BRAF: variants seen among roughly 807,000 people sequenced by gnomAD.
BRAF encodes the protein B-Raf proto-oncogene, serine/threonine kinase.
A neutral mutation model predicts 104.6 loss-of-function variants in BRAF; 16 were observed. The ratio of observed to expected loss-of-function variants is 0.15; its 90% CI spans 0.10 to 0.23. The LOEUF (loss-of-function observed/expected upper bound fraction) is 0.23, where lower values mean the gene tolerates loss of function less well. BRAF is among the 10% of genes least tolerant of loss of function. The pLI is 1.00. For missense variants in BRAF, 541 were observed against 937.3 expected (o/e 0.58, Z 5.52); for synonymous variants, 310 against 341.6 (o/e 0.91, Z 1.02).
intron 1 of BRAF, among the ~76,000 whole-genome samples, chr7:140,892,593 T>C (rs1015508858): frequency 6.6e-6 from 1 of 152,136 alleles, no homozygotes; most frequent in African/African-American, 2.4e-5. Flanking sequence ...ATCCACAATA[T>C]AAACTTTAGG....
intron 17 of BRAF, chr7:140,740,563 C>A (rs1325278452): frequency 6.6e-6 from 1 of 152,146 alleles, no homozygotes; most frequent in Non-Finnish European, 1.5e-5. Flanking sequence ...TTCTTAATTT[C>A]CTAATATTTT....
rs1165834585 is a variant in BRAF at position 140,781,762 on chromosome 7, G to A, written c.1435-69C>T. On this transcript the variant is annotated intron_variant, in intron 11 of 19. Coordinates refer to ENST00000644969, the MANE Select transcript of BRAF (RefSeq NM_001374258.1). ...AAGAAAACCTTATGTTTCACCCTAA[G>A]TACATTACCTTATGCCTGAGAGGGA... The A allele has an allele frequency of 4.0e-6, 5 of 1,247,864 alleles. No homozygotes were observed. The African/African-American group carries it at 5.9e-5, about 15-fold the overall frequency. 77.3% of individuals were successfully genotyped at this position (1,247,864 alleles called of 1,614,324 possible). A position where few individuals can be genotyped will look rare whatever the true frequency, so the allele number is the denominator to read the frequency against.
chr7:140,919,905 C>T (rs999162747), intron 1 of BRAF, among the ~76,000 whole-genome samples: 12 of 151,522 alleles, frequency 7.9e-5, no homozygotes, highest in East Asian at 7.7e-4. Flanking sequence ...TGCAGTGGTG[C>T]GATCATGGCT....
chr7:140,776,509 T>C (rs1023648424), intron 14 of BRAF, among the ~76,000 whole-genome samples: 1 of 152,206 alleles, frequency 6.6e-6, no homozygotes, highest in Non-Finnish European at 1.5e-5. Context: ...TTAACTTTAT[T>C]AACTGACCAT....
chr7:140,909,430 TA>T (rs1816719656), intron 1 of BRAF, among the ~76,000 whole-genome samples: 1 of 151,896 alleles, frequency 6.6e-6, no homozygotes. Context: ...AAAATAAAAA[TA>T]AAAAATAAAT....
chr7:140,843,730 G>C (rs959774135), intron 2 of BRAF, among the ~76,000 whole-genome samples: 1 of 152,080 alleles, frequency 6.6e-6, no homozygotes, highest in Non-Finnish European at 1.5e-5. Flanking sequence ...TCTGGGCTGG[G>C]CACAGTGGCT....
chr7:140,901,637 A>AT (rs1356207973), intron 1 of BRAF, among the ~76,000 whole-genome samples: 2 of 152,212 alleles, frequency 1.3e-5, no homozygotes, highest in African/African-American at 4.8e-5. Context: ...CACTCAGTAC[A>AT]GGGTATGTAC....
chr7:140,814,688 C>A (rs1259454340), intron 3 of BRAF, among the ~76,000 whole-genome samples: 3 of 146,110 alleles, frequency 2.1e-5, no homozygotes, highest in Admixed American at 6.9e-5. Flanking sequence ...ATATAAAATT[C>A]ATATAATTTA....
intron 2 of BRAF, among the ~76,000 whole-genome samples, chr7:140,847,595 A>G (rs551075652): frequency 3.4e-4 from 52 of 152,240 alleles, no homozygotes; most frequent in African/African-American, 1.3e-3. Context: ...GGAAAAAAAA[A>G]AAGACAGACA....
chr7:140,812,269 T>C (rs1420511860), intron 3 of BRAF, among the ~76,000 whole-genome samples: 2 of 151,884 alleles, frequency 1.3e-5, no homozygotes, highest in South Asian at 4.2e-4. Flanking sequence ...TGAAACAAAA[T>C]TTCATAGGGT....
intron 1 of BRAF, among the ~76,000 whole-genome samples, chr7:140,915,895 A>G (rs1391754440): frequency 1.3e-5 from 2 of 148,444 alleles, no homozygotes. Flanking sequence ...GCGGTGGCTC[A>G]TGCCTGTAAT....
intron 1 of BRAF, among the ~76,000 whole-genome samples, chr7:140,891,461 T>C (rs1184183071): frequency 6.6e-6 from 1 of 152,260 alleles, no homozygotes; most frequent in Non-Finnish European, 1.5e-5. Context: ...GTAAATGTTA[T>C]ATAAATAGTT....
rs186708332 is a variant in BRAF, at chr7:140,826,643, A to T, written c.504+7966T>A. 3.8e-4 allele frequency among the ~76,000 whole-genome samples: 58 copies of T among 152,280 alleles called. No individual in the cohort carries two copies. In the East Asian group the frequency reaches 0.011, roughly 29 times the overall value. On this transcript the variant is annotated intron_variant, in intron 3 of 19. Coordinates refer to ENST00000644969, the MANE Select transcript of BRAF (RefSeq NM_001374258.1). The stretch of plus-strand genomic sequence containing the variant: ...GGTAGTTACACATGTAAAAACTCTG[A>T]GCGATATACTTCAGATTTGTACCCT...
chr7:140,863,223 T>C (rs940344282), intron 1 of BRAF, among the ~76,000 whole-genome samples: 1 of 151,884 alleles, frequency 6.6e-6, no homozygotes, highest in Admixed American at 6.6e-5. Flanking sequence ...TATTTTTACA[T>C]ATAACAAAAC....
chr7:140,719,449 TTTC>T lies in BRAF; in HGVS notation c.*7042_*7044del. On this transcript the variant is annotated 3_prime_UTR_variant, in exon 20 of 20. Coordinates refer to ENST00000644969, the MANE Select transcript of BRAF (RefSeq NM_001374258.1). ...TTAAATAACTTTACACAGAAATAAATTTCTTCAATCTGAATTTCAGCTATCTTT... is the reference window on the plus strand; with the variant it reads ...TTAAATAACTTTACACAGAAATAAATTTCAATCTGAATTTCAGCTATCTTT... 3 of 1,014,088 alleles carry T rather than the reference TTTC, an allele frequency of 3.0e-6. No homozygotes were observed. Among genetic ancestry groups the T allele is most frequent in the Non-Finnish European group, 3.6e-6 (3 of 840,220 alleles). The allele number at this position is 1,014,088 out of a possible 1,614,324, so 62.8% of individuals were successfully genotyped here.
At chr7:140,821,559 C>G (rs1177294815) in intron 3 of BRAF, among the ~76,000 whole-genome samples, 1 of 151,978 alleles carries the variant, frequency 6.6e-6, no homozygotes, top group Non-Finnish European at 1.5e-5. Context: ...CCGCCTCAAC[C>G]TCCCAAAGTG....
intron 14 of BRAF, among the ~76,000 whole-genome samples, chr7:140,762,364 AG>A (rs1485733296): frequency 6.6e-6 from 1 of 152,234 alleles, no homozygotes; most frequent in Non-Finnish European, 1.5e-5. Flanking sequence ...ACAACATACC[AG>A]AATCTCTGGG....
Position 140,719,952 on chromosome 7 carries a change from C to G in BRAF, c.*6542G>C. The G allele has an allele frequency of 9.4e-7, 1 of 1,062,200 alleles. No homozygotes were observed. The highest frequency in any genetic ancestry group is 1.1e-6 in the Non-Finnish European group (1 of 877,352). The allele number at this position is 1,062,200 out of a possible 1,614,324, so 65.8% of individuals were successfully genotyped here. ...AGGTTTGGAGTGGTGAAACAGGAACCGTGAATTCACTGCAGTTCAAACAGG... is the reference window on the plus strand; with the variant it reads ...AGGTTTGGAGTGGTGAAACAGGAACGGTGAATTCACTGCAGTTCAAACAGG... On this transcript the variant is annotated 3_prime_UTR_variant, in exon 20 of 20. Transcript: ENST00000644969.
rs886041424 is a variant in BRAF, at chr7:140,787,557, C to T, written c.1168G>A (p.Gly390Ser). The T allele has an allele frequency of 3.1e-6, 5 of 1,612,470 alleles. No individual in the cohort carries two copies. The African/African-American group carries it at 5.3e-5, about 17-fold the overall frequency. Reference protein sequence around the residue: ...DDLIRDQGFRGDGAPLNQLMR... With the variant: ...DDLIRDQGFRSDGAPLNQLMR... ...TGAAATCACTACTTACCTCCATCAC[C>T]ACGAAATCCTTGGTCTCTAATCAAG... The change falls in exon 9 of 20, where the codon GGT becomes AGT. Residue 390 changes from glycine to serine, a missense_variant. This residue lies in a region of BRAF where 109 missense variants were observed against 143.9 expected (regional missense o/e 0.76). Transcript: ENST00000644969.
Sources: gnomAD v4.1 joint callset for allele counts (sites outside exome capture counted in the v4.1 genomes callset) on GRCh38, gnomAD v4.1.1 for gene constraint, gnomAD v4.1.1 regional missense constraint, MANE v1.5 for transcripts, NCBI Gene and HGNC (gene_info 2026-07-23, HGNC 2026-07-21) for gene names.